Variants in SKI observed in about 807,000 individuals in gnomAD.
SKI encodes ski oncogene.
SKI carries 23 observed loss-of-function variants against 59.3 expected under a neutral mutation model. The ratio of observed to expected loss-of-function variants is 0.39; its 90% CI spans 0.28 to 0.55. The LOEUF (loss-of-function observed/expected upper bound fraction) is 0.55. Ranked by LOEUF, SKI falls within the 20% of genes least tolerant of loss-of-function variation. SKI has a pLI of 0.67. For missense variants in SKI, 1,017 were observed against 1,038.9 expected, an observed-to-expected ratio of 0.98 and a Z score of 0.29; for synonymous variants, 673 against 488.6, an observed-to-expected ratio of 1.38 and a Z score of -4.98.
chr1:2,291,495 C>A (rs1244238213), intron 1 of SKI, among the ~76,000 whole-genome samples: 2 of 152,224 alleles, frequency 1.3e-5, no homozygotes, highest in Non-Finnish European at 2.9e-5. Flanking sequence ...GGCCATTGGC[C>A]CCTGGTGGAC....
intron 1 of SKI, among the ~76,000 whole-genome samples, chr1:2,271,756 C>T (rs188815916): frequency 2.6e-5 from 4 of 152,096 alleles, no homozygotes; most frequent in African/African-American, 9.6e-5. Context: ...CTAAGGGGAC[C>T]CTCTGAGCAC....
intron 1 of SKI, among the ~76,000 whole-genome samples, chr1:2,280,647 GAGGA>G (rs1639858035): frequency 7.4e-6 from 1 of 135,706 alleles, no homozygotes; most frequent in African/African-American, 2.8e-5. Context: ...TCTTCAGAGA[GAGGA>G]CACCCGAGAA....
chr1:2,290,915 T>C (rs2100894375), intron 1 of SKI, among the ~76,000 whole-genome samples: 1 of 152,358 alleles, frequency 6.6e-6, no homozygotes, highest in East Asian at 1.9e-4. Flanking sequence ...TCCGCATTTT[T>C]CTCTTTCTGC....
At chr1:2,291,770 T>C (rs1640168029) in intron 1 of SKI, among the ~76,000 whole-genome samples, 1 of 152,214 alleles carries the variant, frequency 6.6e-6, no homozygotes, top group African/African-American at 2.4e-5. Context: ...CGCTACTAAT[T>C]GCTACTCAGT....
chr1:2,272,536 C>A (rs1289988997), intron 1 of SKI, among the ~76,000 whole-genome samples: 1 of 152,206 alleles, frequency 6.6e-6, no homozygotes, highest in Non-Finnish European at 1.5e-5. Flanking sequence ...CTACACAAGC[C>A]CTGGTCCTGC....
chr1:2,232,461 T>G (rs1008563869), intron 1 of SKI: 1 of 152,312 alleles, frequency 6.6e-6, no homozygotes, highest in Admixed American at 6.5e-5. Context: ...AGCTTTCTCC[T>G]TGGAAGCCTC....
intron 1 of SKI, among the ~76,000 whole-genome samples, chr1:2,285,704 C>T (rs1640024991): frequency 6.6e-6 from 1 of 150,760 alleles, no homozygotes. Context: ...GCTGGGATTA[C>T]AGGTGCCCGC....
intron 1 of SKI, among the ~76,000 whole-genome samples, chr1:2,254,414 C>T (rs1425178489): frequency 6.6e-6 from 1 of 152,230 alleles, no homozygotes; most frequent in Admixed American, 6.5e-5. Flanking sequence ...TCCCAAACAG[C>T]CCTGAAATGG....
rs1553190154 is a variant in SKI, at chr1:2,229,982, G to GGCCAGGCCTGGTGTGTGGGGA, written c.969+248_969+268dup. Among the ~76,000 whole-genome samples the GGCCAGGCCTGGTGTGTGGGGA allele has an allele frequency of 6.6e-6, 1 of 152,182 alleles. No individual in the cohort carries two copies. Among genetic ancestry groups the GGCCAGGCCTGGTGTGTGGGGA allele is most frequent in the Non-Finnish European group, 1.5e-5 (1 of 68,018 alleles). On this transcript the variant is annotated intron_variant, in intron 1 of 6. Transcript: ENST00000378536. The surrounding 1 kb of genome is among the most constrained non-coding windows in gnomAD (Gnocchi z 6.3). The stretch of plus-strand genomic sequence containing the variant: ...TGCGGGCTGTGGCGGTGGGGTGGGG[G>GGCCAGGCCTGGTGTGTGGGGA]GCCAGGCCTGGTGTGTGGGGAAGGC...
intron 1 of SKI, among the ~76,000 whole-genome samples, chr1:2,245,847 A>G (rs1638983237): frequency 8.3e-6 from 1 of 120,244 alleles, no homozygotes; most frequent in Admixed American, 1.2e-4. Flanking sequence ...CCCAGGCCAG[A>G]GTGCGGTGGC....
intron 1 of SKI, among the ~76,000 whole-genome samples, chr1:2,257,521 T>C (rs1328622801): frequency 6.6e-6 from 1 of 152,252 alleles, no homozygotes; most frequent in Non-Finnish European, 1.5e-5. Flanking sequence ...TCCTCCCAGC[T>C]GCCTCCTGCC....
At chr1:2,248,059 C>G (rs577693932) in intron 1 of SKI, 1 of 152,320 alleles carries the variant, frequency 6.6e-6, no homozygotes. Flanking sequence ...CGGTGCCTCA[C>G]GGAGAGGCTG....
At chr1:2,244,203 A>G (rs1041386826) in intron 1 of SKI, among the ~76,000 whole-genome samples, 2 of 151,980 alleles carry the variant, frequency 1.3e-5, no homozygotes, top group African/African-American at 4.8e-5. Context: ...TGACCTCGTG[A>G]TCCGCCTGCC....
In SKI at chr1:2,308,385, C is replaced by G. The variant is rs1276292699; in HGVS notation, c.*1620C>G. 2.0e-5 allele frequency: 3 copies of G among 152,170 alleles called. No homozygotes were observed. Among genetic ancestry groups the G allele is most frequent in the African/African-American group, 7.2e-5 (3 of 41,434 alleles). The allele number at this position is 152,170 out of a possible 1,614,324, so 9.4% of individuals were successfully genotyped here. A position where few individuals can be genotyped will look rare whatever the true frequency, so the allele number is the denominator to read the frequency against. On this transcript the variant is annotated 3_prime_UTR_variant, in exon 7 of 7. Coordinates refer to ENST00000378536, the MANE Select transcript of SKI (RefSeq NM_003036.4). ...TCTTGGTTGCTGCTGAAGCCCCCCA[C>G]CCCTTCTAAAGTGCAATGCAAAAGG...
chr1:2,272,098 C>A (rs1484467878), intron 1 of SKI, among the ~76,000 whole-genome samples: 1 of 152,214 alleles, frequency 6.6e-6, no homozygotes, highest in African/African-American at 2.4e-5. Context: ...CTGCGTCCTG[C>A]AAAGAGGCCG....
chr1:2,277,978 C>T (rs1371410257), intron 1 of SKI, among the ~76,000 whole-genome samples: 1 of 152,154 alleles, frequency 6.6e-6, no homozygotes, highest in Non-Finnish European at 1.5e-5. Flanking sequence ...CACATCAGCA[C>T]CCATGGGCAT....
At position 2,270,226 on chromosome 1, in the gene SKI, C is replaced by A. The variant is rs923343651; in HGVS notation, c.970-32752C>A. Among the ~76,000 whole-genome samples, 4 of 152,196 alleles carry A rather than the reference C, an allele frequency of 2.6e-5. No individual in the cohort carries two copies. Among genetic ancestry groups the A allele is most frequent in the Non-Finnish European group, 4.4e-5 (3 of 68,030 alleles). On this transcript the variant is annotated intron_variant, in intron 1 of 6. Coordinates refer to ENST00000378536, the MANE Select transcript of SKI (RefSeq NM_003036.4). The surrounding 1 kb of genome is among the most constrained non-coding windows in gnomAD (Gnocchi z 4.1). Reference sequence around the variant, plus strand: ...GAGCTAGAGCAAGGGCAGGTGGGCCCACTGGCTGGCGCTGCGTCTGGGTTC... The same window carrying A: ...GAGCTAGAGCAAGGGCAGGTGGGCCAACTGGCTGGCGCTGCGTCTGGGTTC...
intron 6 of SKI, 139 bp from the exon 7 acceptor site, chr1:2,306,438 T>A (rs1359367986): frequency 9.7e-7 from 1 of 1,026,174 alleles, no homozygotes; most frequent in Non-Finnish European, 1.4e-6. Flanking sequence ...TGAGCCTGTG[T>A]CCTAGCAGGT....
chr1:2,273,184 A>G (rs1356150321), intron 1 of SKI, among the ~76,000 whole-genome samples: 1 of 152,112 alleles, frequency 6.6e-6, no homozygotes, highest in Non-Finnish European at 1.5e-5. Flanking sequence ...GGCCTTGGCC[A>G]TGCTGCCTTC....
Sources: gnomAD v4.1 joint callset for allele counts (sites outside exome capture counted in the v4.1 genomes callset) on GRCh38, gnomAD v4.1.1 for gene constraint, Gnocchi (gnomAD v3.1) non-coding constraint, MANE v1.5 for transcripts, NCBI Gene and HGNC (gene_info 2026-07-23, HGNC 2026-07-21) for gene names.